The following FRYL variants were observed in gnomAD, a reference collection of about 807,000 sequenced individuals.
FRYL encodes the protein protein furry homolog-like.
FRYL carries 150 observed loss-of-function variants against 351.2 expected under a neutral mutation model. The ratio of observed to expected loss-of-function variants is 0.43; its 90% CI spans 0.37 to 0.49. The LOEUF is 0.49. Among genes scored for constraint, FRYL ranks in the 20% least tolerant of loss-of-function variants. FRYL has a pLI of 0.00. For synonymous variants in FRYL, 1,153 were observed against 1,257.1 expected, an observed-to-expected ratio of 0.92 and a Z score of 1.75; for missense variants, 3,036 against 3,619.3, an observed-to-expected ratio of 0.84 and a Z score of 4.13.
At chr4:48,720,813 C>A (rs546544203) in intron 1 of FRYL, among the ~76,000 whole-genome samples, 14 of 152,318 alleles carry the variant, frequency 9.2e-5, no homozygotes, top group African/African-American at 3.4e-4. Flanking sequence ...TTGTTATTTA[C>A]TGTTTCCGTA....
intron 3 of FRYL, among the ~76,000 whole-genome samples, chr4:48,646,587 T>G (rs1306001666): frequency 1.3e-5 from 2 of 152,158 alleles, no homozygotes; most frequent in Non-Finnish European, 2.9e-5. Flanking sequence ...CTTATCAATG[T>G]GACAATGCAA....
intron 4 of FRYL, among the ~76,000 whole-genome samples, chr4:48,626,433 A>C (rs1578409932): frequency 6.6e-6 from 1 of 152,192 alleles, no homozygotes; most frequent in Non-Finnish European, 1.5e-5. Context: ...AATTAATCAA[A>C]TTATATCGGC....
At position 48,590,744 on chromosome 4, in the gene FRYL, T is replaced by A; in HGVS notation, c.1422A>T (p.Gly474=). Residue 474 remains glycine, a synonymous_variant, in exon 17 of 64, where the codon GGA becomes GGT. Transcript: ENST00000358350. ...GAGTATTTCCTGAGGGAAGAATAACTCCTGTTGTTGGCATGGGTGGTTCAC... is the reference window on the plus strand; with the variant it reads ...GAGTATTTCCTGAGGGAAGAATAACACCTGTTGTTGGCATGGGTGGTTCAC... ...KDGEPPMPTT[G]VILPSGNTLR... 3.1e-6 allele frequency: 5 copies of A among 1,613,352 alleles called. No homozygotes were observed. Among genetic ancestry groups the A allele is most frequent in the Non-Finnish European group, 4.2e-6 (5 of 1,179,326 alleles).
intron 17 of FRYL, 49 bp from the exon 18 acceptor site, chr4:48,589,926 A>C (rs755207701): frequency 6.8e-7 from 1 of 1,467,596 alleles, no homozygotes; most frequent in Non-Finnish European, 9.4e-7. Context: ...TTAGATAAAG[A>C]ATACTTACTT....
At chr4:48,731,329 G>A (rs1364621021) in intron 1 of FRYL, among the ~76,000 whole-genome samples, 1 of 152,176 alleles carries the variant, frequency 6.6e-6, no homozygotes, top group African/African-American at 2.4e-5. Context: ...TGGATAGGAA[G>A]AATCAATATC....
At chr4:48,754,888 C>T (rs1459160404) in intron 1 of FRYL, among the ~76,000 whole-genome samples, 1 of 152,074 alleles carries the variant, frequency 6.6e-6, no homozygotes, top group Non-Finnish European at 1.5e-5. Flanking sequence ...GTGATCCACC[C>T]GCCTTGGCCT....
At chr4:48,503,691 A>G (rs1473572895) in intron 60 of FRYL, among the ~76,000 whole-genome samples, 1 of 152,168 alleles carries the variant, frequency 6.6e-6, no homozygotes, top group Non-Finnish European at 1.5e-5. Flanking sequence ...CCTGTGAAGG[A>G]CTGTTTTTCA....
At chr4:48,504,499 AAGAC>A (rs772251782) in intron 60 of FRYL, among the ~76,000 whole-genome samples, 46 of 152,278 alleles carry the variant, frequency 3.0e-4, no homozygotes, top group Admixed American at 1.4e-3. Context: ...AACAGTGGCA[AAGAC>A]AGACAGAATT....
intron 3 of FRYL, among the ~76,000 whole-genome samples, chr4:48,662,281 C>A (rs1760890626): frequency 6.6e-6 from 1 of 151,720 alleles, no homozygotes; most frequent in Non-Finnish European, 1.5e-5. Flanking sequence ...TCTCTATAAA[C>A]AAATTTAAAA....
chr4:48,503,021 T>C (rs1720060415), intron 60 of FRYL, among the ~76,000 whole-genome samples, 176 bp from the exon 61 acceptor site: 1 of 152,200 alleles, frequency 6.6e-6, no homozygotes, highest in African/African-American at 2.4e-5. Context: ...TTTTAGACAT[T>C]TACTGCAACG....
intron 47 of FRYL, 68 bp downstream of exon 47, chr4:48,539,903 C>G (rs1729777447): frequency 8.9e-7 from 1 of 1,122,982 alleles, no homozygotes; most frequent in Admixed American, 2.1e-5. Flanking sequence ...AGAGATTTCC[C>G]CCTCCTTTAA....
At chr4:48,573,644 G>A (rs1044046010) in intron 25 of FRYL, among the ~76,000 whole-genome samples, 1 of 152,110 alleles carries the variant, frequency 6.6e-6, no homozygotes, top group African/African-American at 2.4e-5. Context: ...ACGCCTCCCG[G>A]ATTCAAGTGA....
chr4:48,719,443 G>C (rs1480037558), intron 1 of FRYL, among the ~76,000 whole-genome samples: 1 of 151,548 alleles, frequency 6.6e-6, no homozygotes, highest in Non-Finnish European at 1.5e-5. Context: ...ACACCTTCAA[G>C]GCTGCTATAT....
In FRYL at chr4:48,649,248, A is replaced by G. The variant is rs962741281; in HGVS notation, c.-80-14758T>C. Among the ~76,000 whole-genome samples, 3 of 152,352 alleles carry G rather than the reference A, an allele frequency of 2.0e-5. No homozygotes were observed. In the South Asian group the frequency reaches 6.2e-4, roughly 32 times the overall value. On this transcript the variant is annotated intron_variant, in intron 3 of 63. Transcript: ENST00000358350. ...CTTTTACTATTTTTACAATCCAAAA[A>G]AAAAATCTGAGTATTAAAAACAATT...
In FRYL at chr4:48,540,088, C is replaced by A. The variant is rs956107795; in HGVS notation, c.6296-20G>T. On this transcript the variant is annotated intron_variant, in intron 46 of 63. Transcript: ENST00000358350. ...GAAAGCCTATCAAAACAAAAAAAAG[C>A]AAACAATAACCAATTTTATTGCACA... 1.1e-5 allele frequency: 17 copies of A among 1,554,556 alleles called. No homozygotes were observed. Among genetic ancestry groups the A allele is most frequent in the Non-Finnish European group, 1.4e-5 (16 of 1,133,402 alleles).
intron 1 of FRYL, among the ~76,000 whole-genome samples, chr4:48,736,589 TCTGTAATCCCAGCA>T (rs1228373593): frequency 7.2e-5 from 11 of 151,752 alleles, no homozygotes; most frequent in Non-Finnish European, 1.6e-4. Context: ...GTGGCTCACA[TCTGTAATCCCAGCA>T]CTTTGGGAGG....
intron 1 of FRYL, among the ~76,000 whole-genome samples, chr4:48,759,819 T>A (rs1774212064): frequency 6.6e-6 from 1 of 152,130 alleles, no homozygotes. Flanking sequence ...CAGCCAGTAA[T>A]CCAGGCTAAC....
chr4:48,586,538 G>T (rs563206197), intron 19 of FRYL, 83 bp downstream of exon 19: 48 of 864,202 alleles, frequency 5.6e-5, no homozygotes, highest in Non-Finnish European at 7.6e-5. Context: ...CGCCTTTTTA[G>T]TGATAACAGT....
intron 7 of FRYL, chr4:48,618,862 C>T (rs1409910656): frequency 1.3e-5 from 2 of 156,570 alleles, no homozygotes; most frequent in East Asian, 1.9e-4. Context: ...CAATTCAGTA[C>T]CCTTATCAAA....
Sources: gnomAD v4.1 joint callset for allele counts (sites outside exome capture counted in the v4.1 genomes callset) on GRCh38, gnomAD v4.1.1 for gene constraint, MANE v1.5 for transcripts, NCBI Gene and HGNC (gene_info 2026-07-23, HGNC 2026-07-21) for gene names.